NLRP1: variants seen among roughly 807,000 people sequenced by gnomAD.
The protein encoded by NLRP1 is NACHT, LRR and PYD domains-containing protein 1.
A neutral mutation model predicts 136.7 loss-of-function variants in NLRP1; 94 were observed. That is an observed-to-expected ratio of 0.69 (90% CI 0.58 to 0.82). The LOEUF (loss-of-function observed/expected upper bound fraction) is 0.82. NLRP1 is among the 40% of genes least tolerant of loss of function. The pLI is 0.00. For synonymous variants in NLRP1, 690 were observed against 725.1 expected, an observed-to-expected ratio of 0.95 and a Z score of 0.78; for missense variants, 1,575 against 1,802.7, an observed-to-expected ratio of 0.87 and a Z score of 2.29.
rs1407143238 is a variant in NLRP1 at position 5,559,754 on chromosome 17, G to C, written c.942C>G (p.Ile314Met). 4 of 1,614,270 alleles carry C rather than the reference G, an allele frequency of 2.5e-6. No individual in the cohort carries two copies. The South Asian group carries it at 4.4e-5, about 18-fold the overall frequency. ...VEENRGHLIE[I>M]RDLFGPGLDT... Reference sequence around the variant, plus strand: ...CCAGGCCTGGGCCAAATAAGTCTCTGATCTCAATTAAATGTCCTCGATTCT... The same window carrying C: ...CCAGGCCTGGGCCAAATAAGTCTCTCATCTCAATTAAATGTCCTCGATTCT... The change falls in exon 4 of 17, where the codon ATC (isoleucine) becomes ATG (methionine). Residue 314 changes from isoleucine to methionine, a missense_variant. Coordinates refer to ENST00000572272, the MANE Select transcript of NLRP1 (RefSeq NM_033004.4).
chr17:5,502,318 C>G (rs1168659390), intron 15 of NLRP1: 1 of 175,166 alleles, frequency 5.7e-6, no homozygotes, highest in East Asian at 1.5e-4. Flanking sequence ...GAGACGGGGT[C>G]TTGCTCTGTT....
rs949987372 is a variant in NLRP1, at chr17:5,583,308, C to T, written c.271+379G>A. Reference sequence around the variant, plus strand: ...TTAACCCTCACACAGCCCAGGGAGGCGGGCTCTCACTCTCCCATTTTGCAG... The same window carrying T: ...TTAACCCTCACACAGCCCAGGGAGGTGGGCTCTCACTCTCCCATTTTGCAG... On this transcript the variant is annotated intron_variant, in intron 1 of 16. Coordinates refer to ENST00000572272, the MANE Select transcript of NLRP1 (RefSeq NM_033004.4). This position sits in a 1 kb window ranked among gnomAD's most constrained non-coding sequence, Gnocchi z 4.5. 5.3e-5 allele frequency among the ~76,000 whole-genome samples: 8 copies of T among 152,160 alleles called. No individual in the cohort carries two copies. Among genetic ancestry groups the T allele is most frequent in the South Asian group, 2.1e-4 (1 of 4,830 alleles).
intron 15 of NLRP1, among the ~76,000 whole-genome samples, chr17:5,517,403 T>C (rs1450942313): frequency 4.1e-5 from 6 of 147,402 alleles, no homozygotes; most frequent in Non-Finnish European, 9.0e-5. Context: ...TTTCTTTTTT[T>C]TTGGATTGCA....
intron 5 of NLRP1, among the ~76,000 whole-genome samples, chr17:5,543,659 TA>T (rs35022826): frequency 0.026 from 3,086 of 120,542 alleles, 53 homozygotes; most frequent in East Asian, 0.089. Context: ...CCATCTCAAA[TA>T]AAAAAAAAAA....
chr17:5,563,645 A>G (rs12949750), intron 3 of NLRP1, among the ~76,000 whole-genome samples: 10,014 of 152,222 alleles, frequency 0.066, 412 homozygotes, highest in African/African-American at 0.11. Context: ...CAAATCTATG[A>G]CTCGCTGGCA....
At chr17:5,572,571 G>A (rs573866347) in intron 3 of NLRP1, among the ~76,000 whole-genome samples, 2 of 152,112 alleles carry the variant, frequency 1.3e-5, no homozygotes, top group South Asian at 2.1e-4. Context: ...TTAGCTGGGC[G>A]TAGTGGTGCA....
intron 7 of NLRP1, among the ~76,000 whole-genome samples, chr17:5,538,495 C>T (rs1035834358): frequency 1.3e-5 from 2 of 152,170 alleles, no homozygotes; most frequent in Admixed American, 1.3e-4. Context: ...GGGAAGTCCT[C>T]CCTGGCCCTT....
intron 15 of NLRP1, among the ~76,000 whole-genome samples, chr17:5,506,902 CAAAAAAAAA>C (rs199684717): frequency 2.3e-5 from 2 of 88,808 alleles, no homozygotes; most frequent in Non-Finnish European, 4.9e-5. Context: ...AACTCCATCT[CAAAAAAAAA>C]AAAAAAAAAA....
intron 3 of NLRP1, 54 bp from the exon 4 acceptor site, chr17:5,560,097 T>A: frequency 7.0e-7 from 1 of 1,432,302 alleles, no homozygotes; most frequent in South Asian, 1.5e-5. Context: ...AAGAATTAAT[T>A]AATTAATTAA....
chr17:5,543,472 CTTGGATGTCA>C (rs1344206479), intron 5 of NLRP1, among the ~76,000 whole-genome samples: 1 of 152,020 alleles, frequency 6.6e-6, no homozygotes, highest in Non-Finnish European at 1.5e-5. Flanking sequence ...AGTAGTAGGT[CTTGGATGTCA>C]TTATAAGATG....
chr17:5,543,681 TC>T (rs1912166932), intron 5 of NLRP1, among the ~76,000 whole-genome samples: 1 of 147,686 alleles, frequency 6.8e-6, no homozygotes, highest in African/African-American at 2.5e-5. Context: ...AAATGCAAGA[TC>T]CCTGAGGAAG....
At chr17:5,560,118 T>A (rs1413117964) in intron 3 of NLRP1, 75 bp from the exon 4 acceptor site, 2 of 1,346,948 alleles carry the variant, frequency 1.5e-6, no homozygotes, top group African/African-American at 1.5e-5. Context: ...ACAACTGTTT[T>A]AGGCACCTAC....
Position 5,533,967 on chromosome 17 carries a change from AG to A in NLRP1, c.2981del (p.Pro994LeufsTer10), listed in dbSNP as rs1203853881. 1 of 1,612,176 alleles carries A rather than the reference AG, an allele frequency of 6.2e-7. No individual in the cohort carries two copies. The highest frequency in any genetic ancestry group is 1.1e-5 in the South Asian group (1 of 91,040). ...FSRRKPSVMT[P>X]TEGLDTGEMS... is the part of the protein sequence containing the mutation. ...TCTCTCCCGTATCCAGGCCCTCAGT[AG>A]GGGTCATCACACTTGGTTTCCTGGA... is the stretch of plus-strand genomic sequence containing the variant. On this transcript the variant is annotated frameshift_variant, in exon 9 of 17. Transcript: ENST00000572272. LOFTEE classifies it high-confidence loss of function.
intron 4 of NLRP1, among the ~76,000 whole-genome samples, chr17:5,557,090 G>A (rs1597456343): frequency 6.6e-6 from 1 of 152,168 alleles, no homozygotes; most frequent in Middle Eastern, 3.4e-3. Context: ...TGCAAACTCC[G>A]TCTCCCAGAT....
intron 5 of NLRP1, among the ~76,000 whole-genome samples, chr17:5,547,253 C>T (rs78275593): frequency 0.047 from 7,138 of 152,046 alleles, 191 homozygotes; most frequent in Middle Eastern, 0.085. Flanking sequence ...CCTAAGTACA[C>T]AGCATACATA....
chr17:5,558,383 C>T lies in NLRP1; in HGVS notation c.2313G>A (p.Glu771=). ...TCCATGTTGATCTGTGCTGCCTGCCCTCAATCAGCTGAAGCTTCTTCACGT... is the reference window on the plus strand; with the variant it reads ...TCCATGTTGATCTGTGCTGCCTGCCTTCAATCAGCTGAAGCTTCTTCACGT... ...SRHVKKLQLI[E]GRQHRSTWSP... Residue 771 remains glutamate, a synonymous_variant, in exon 4 of 17, where the codon GAG becomes GAA. Transcript: ENST00000572272. The T allele has an allele frequency of 3.1e-6, 5 of 1,613,760 alleles. No individual in the cohort carries two copies. The highest frequency in any genetic ancestry group is 2.2e-5 in the South Asian group (2 of 91,022).
chr17:5,510,491 C>T (rs1907569794), downstream of NLRP1, among the ~76,000 whole-genome samples: 1 of 151,926 alleles, frequency 6.6e-6, no homozygotes, highest in Non-Finnish European at 1.5e-5. Context: ...TCCCGAGTAG[C>T]TGGGGTTACA....
chr17:5,530,603 TC>T lies in NLRP1; in HGVS notation c.3397del (p.Asp1133ThrfsTer73), dbSNP rs1412269052. 1 of 1,614,182 alleles carries T rather than the reference TC, an allele frequency of 6.2e-7. No homozygotes were observed. Among genetic ancestry groups the T allele is most frequent in the Admixed American group, 1.7e-5 (1 of 60,028 alleles). On this transcript the variant is annotated frameshift_variant, in exon 12 of 17. Coordinates refer to ENST00000572272, the MANE Select transcript of NLRP1 (RefSeq NM_033004.4). LOFTEE classifies it high-confidence loss of function. Reference sequence around the variant, plus strand: ...TGGGTTGATCTCACCCAGGAACTGGTCCCACACACAGAATTCAATCTCAACG... The same window carrying T: ...TGGGTTGATCTCACCCAGGAACTGGTCCACACACAGAATTCAATCTCAACG... The part of the protein sequence containing the change: ...VTVEIEFCVW[D>X]QFLGEINPQH...
intron 15 of NLRP1, among the ~76,000 whole-genome samples, chr17:5,516,840 G>A (rs912761429): frequency 1.3e-5 from 2 of 152,208 alleles, no homozygotes; most frequent in African/African-American, 4.8e-5. Flanking sequence ...ACACTGTGAA[G>A]CCAGCTTGTT....
Sources: gnomAD v4.1 joint callset for allele counts (sites outside exome capture counted in the v4.1 genomes callset) on GRCh38, gnomAD v4.1.1 for gene constraint, Gnocchi (gnomAD v3.1) non-coding constraint, MANE v1.5 for transcripts, NCBI Gene and HGNC (gene_info 2026-07-23, HGNC 2026-07-21) for gene names.